The following EPHA7 variants were observed in gnomAD, a reference collection of about 807,000 sequenced individuals.
The protein encoded by EPHA7 is EPH receptor A7.
Under a neutral mutation model 112.6 loss-of-function variants are expected in EPHA7, and 25 were observed. The observed-to-expected ratio is 0.22, with a 90% CI of 0.16 to 0.31. EPHA7 has a LOEUF of 0.31. EPHA7 is among the 10% of genes least tolerant of loss of function. The pLI, the probability that EPHA7 is intolerant of heterozygous loss-of-function variation, is 1.00. For missense variants in EPHA7, 962 were observed against 1,212.6 expected, an observed-to-expected ratio of 0.79 and a Z score of 3.07; for synonymous variants, 437 against 406.5, an observed-to-expected ratio of 1.07 and a Z score of -0.90.
chr6:93,248,375 T>C (rs1367170299), intron 14 of EPHA7, among the ~76,000 whole-genome samples: 3 of 151,926 alleles, frequency 2.0e-5, no homozygotes, highest in Non-Finnish European at 2.9e-5. Flanking sequence ...TTAAGAAAAA[T>C]CTCTAACTCT....
rs138520094 is a variant in EPHA7 at position 93,306,201 on chromosome 6, C to T, written c.1325-33779G>A. Among the ~76,000 whole-genome samples, 775 of 151,814 alleles carry T rather than the reference C, an allele frequency of 5.1e-3. 13 individuals carry two copies. The highest frequency in any genetic ancestry group is 0.018 in the African/African-American group (745 of 41,488). On this transcript the variant is annotated intron_variant, in intron 5 of 16. Coordinates refer to ENST00000369303, the MANE Select transcript of EPHA7 (RefSeq NM_004440.4). Reference sequence around the variant, plus strand: ...TTTTCTCTGCTTTTATAAAGTCTCCCGAAATCCCAGTTGAATGACTTTTTA... The same window carrying T: ...TTTTCTCTGCTTTTATAAAGTCTCCTGAAATCCCAGTTGAATGACTTTTTA...
intron 3 of EPHA7, among the ~76,000 whole-genome samples, chr6:93,403,644 T>G (rs1178738721): frequency 1.4e-5 from 2 of 142,392 alleles, no homozygotes; most frequent in African/African-American, 5.2e-5. Flanking sequence ...CTGGGCAACA[T>G]GGCAACACTC....
intron 3 of EPHA7, among the ~76,000 whole-genome samples, chr6:93,380,975 G>A (rs1257547992): frequency 1.3e-5 from 2 of 152,078 alleles, no homozygotes; most frequent in Non-Finnish European, 2.9e-5. Flanking sequence ...TCTGCAGACG[G>A]TGACTGCCTT....
At chr6:93,373,917 A>G (rs529836704) in intron 3 of EPHA7, among the ~76,000 whole-genome samples, 3 of 152,244 alleles carry the variant, frequency 2.0e-5, no homozygotes, top group East Asian at 3.9e-4. Context: ...GGCTTTCACA[A>G]TATACCTCAT....
intron 3 of EPHA7, among the ~76,000 whole-genome samples, chr6:93,399,204 T>G (rs948633157): frequency 5.3e-5 from 8 of 152,122 alleles, no homozygotes; most frequent in Non-Finnish European, 1.2e-4. Context: ...GTTCTCATTT[T>G]AAAACACATT....
chr6:93,311,226 G>A (rs184841639), intron 5 of EPHA7, among the ~76,000 whole-genome samples: 277 of 148,882 alleles, frequency 1.9e-3, no homozygotes, highest in Non-Finnish European at 3.4e-3. Flanking sequence ...GGCTCCCAAA[G>A]TGCTGGGATT....
rs751729933 is a variant in EPHA7, at chr6:93,240,079, T to G, written c.*3347A>C. 4.5e-6 allele frequency: 1 copy of G among 222,284 alleles called. No homozygotes were observed. Among genetic ancestry groups the G allele is most frequent in the Non-Finnish European group, 9.0e-6 (1 of 111,176 alleles). The allele number at this position is 222,284 out of a possible 1,614,324, so 13.8% of individuals were successfully genotyped here. ...TTTTAAGCTGGTAAAAAGAGACTTA[T>G]GATTCATGTTGAAGAAAGAGTTATT... is the stretch of plus-strand genomic sequence containing the variant. On this transcript the variant is annotated 3_prime_UTR_variant, in exon 17 of 17. Transcript: ENST00000369303.
At chr6:93,243,869 A>G (rs1769792159) in intron 16 of EPHA7, among the ~76,000 whole-genome samples, 2 of 152,142 alleles carry the variant, frequency 1.3e-5, no homozygotes, top group Non-Finnish European at 2.9e-5. Flanking sequence ...GAAATGTTGT[A>G]TTCTTGAACC....
chr6:93,352,363 T>C (rs1205410956), intron 5 of EPHA7, among the ~76,000 whole-genome samples: 1 of 152,112 alleles, frequency 6.6e-6, no homozygotes, highest in African/African-American at 2.4e-5. Context: ...AGGAAGGTAG[T>C]GGCAATTACC....
chr6:93,317,759 A>T (rs1773881901), intron 5 of EPHA7, among the ~76,000 whole-genome samples: 1 of 152,136 alleles, frequency 6.6e-6, no homozygotes, highest in Non-Finnish European at 1.5e-5. Context: ...AAAGGCAGAA[A>T]TCCTTGGTTG....
At chr6:93,395,030 A>G (rs1445199375) in intron 3 of EPHA7, among the ~76,000 whole-genome samples, 1 of 151,706 alleles carries the variant, frequency 6.6e-6, no homozygotes, top group Non-Finnish European at 1.5e-5. Context: ...TTTTTGTGAG[A>G]ATTTTTTTTA....
At chr6:93,284,009 CAT>C (rs1480581065) in intron 5 of EPHA7, among the ~76,000 whole-genome samples, 11 of 152,082 alleles carry the variant, frequency 7.2e-5, no homozygotes, top group Non-Finnish European at 1.5e-4. Flanking sequence ...AAATACAAAA[CAT>C]AATTCATACA....
rs369029096 is a variant in EPHA7 at position 93,269,533 on chromosome 6, T to C, written c.1577A>G (p.Tyr526Cys). 1 of 1,611,276 alleles carries C rather than the reference T, an allele frequency of 6.2e-7. No homozygotes were observed. Among genetic ancestry groups the C allele is most frequent in the Non-Finnish European group, 8.5e-7 (1 of 1,178,284 alleles). Residue 526 changes from tyrosine to cysteine, a missense_variant, in exon 7 of 17, where the codon TAC becomes TGC. Tyr to Cys is a radical substitution (Grantham distance 194). Around this residue, in one of 3 missense-constraint regions of EPHA7, gnomAD observed 746 missense variants for 889.2 expected, o/e 0.84. Transcript: ENST00000369303. ...RAFTAAGYGN[Y>C]SPRLDVATLE... ...TGTAGCAACATCAAGTCTGGGACTGTAATTTCCATAACCAGCAGCAGTAAA... is the reference window on the plus strand; with the variant it reads ...TGTAGCAACATCAAGTCTGGGACTGCAATTTCCATAACCAGCAGCAGTAAA...
intron 3 of EPHA7, among the ~76,000 whole-genome samples, chr6:93,379,620 G>T (rs1418461068): frequency 6.6e-6 from 1 of 151,848 alleles, no homozygotes; most frequent in East Asian, 1.9e-4. Context: ...AGGTTTATAC[G>T]GCCAGTGATT....
rs1164758223 is a variant in EPHA7, at chr6:93,357,010, T to C, written c.1031A>G (p.Gln344Arg). ...APQNLIFNIN[Q>R]TTVSLEWSPP... ...ACTCCATTCCAAACTTACTGTGGTTTGGTTGATGTTGAAAATGAGGTTCTG... is the reference window on the plus strand; with the variant it reads ...ACTCCATTCCAAACTTACTGTGGTTCGGTTGATGTTGAAAATGAGGTTCTG... The change falls in exon 5 of 17, where the codon CAA becomes CGA. Residue 344 changes from glutamine to arginine, a missense_variant. Physicochemically the swap from Gln to Arg is conservative, Grantham distance 43 (BLOSUM62 1). This residue lies in a region of EPHA7 where 746 missense variants were observed against 889.2 expected (regional missense o/e 0.84). Transcript: ENST00000369303. 5 of 1,613,802 alleles carry C rather than the reference T, an allele frequency of 3.1e-6. No individual in the cohort carries two copies. The highest frequency in any genetic ancestry group is 4.2e-6 in the Non-Finnish European group (5 of 1,179,886).
chr6:93,253,451 A>G (rs1479942023), intron 14 of EPHA7, among the ~76,000 whole-genome samples: 1 of 87,934 alleles, frequency 1.1e-5, no homozygotes, highest in Non-Finnish European at 2.8e-5. Flanking sequence ...ACAACATATA[A>G]AACAGTCTAA....
At position 93,410,594 on chromosome 6, in the gene EPHA7, T is replaced by G. The variant is rs953155139; in HGVS notation, c.739A>C (p.Arg247=). 2.5e-6 allele frequency: 4 copies of G among 1,614,034 alleles called. No homozygotes were observed. In the East Asian group the frequency reaches 8.9e-5, roughly 36 times the overall value. ...TCTCCTTCTGCACTGCAGTGCATCC[T>G]GGGGGCGTTTTCCGCTTCTTCCTCT... ...SAEEEAENAP[R]MHCSAEGEWL... Residue 247 remains arginine (R), a synonymous_variant, in exon 3 of 17, where the codon AGG becomes CGG. Transcript: ENST00000369303. The surrounding 1 kb of genome is among the most constrained non-coding windows in gnomAD (Gnocchi z 4.0).
At chr6:93,344,715 T>C (rs762070303) in intron 5 of EPHA7, among the ~76,000 whole-genome samples, 2 of 151,610 alleles carry the variant, frequency 1.3e-5, no homozygotes, top group Admixed American at 6.6e-5. Flanking sequence ...GTCTTCATTC[T>C]ATTGACCTCC....
chr6:93,365,984 G>A (rs1457642272), intron 3 of EPHA7, among the ~76,000 whole-genome samples: 1 of 152,086 alleles, frequency 6.6e-6, no homozygotes, highest in East Asian at 1.9e-4. Flanking sequence ...AGTTTAGAAT[G>A]TAAAATGAAA....
Sources: gnomAD v4.1 joint callset for allele counts (sites outside exome capture counted in the v4.1 genomes callset) on GRCh38, gnomAD v4.1.1 for gene constraint, gnomAD v4.1.1 regional missense constraint, Gnocchi (gnomAD v3.1) non-coding constraint, MANE v1.5 for transcripts, NCBI Gene and HGNC (gene_info 2026-07-23, HGNC 2026-07-21) for gene names.